Variants in ELFN2 observed in about 807,000 individuals in gnomAD.
ELFN2 encodes extracellular leucine rich repeat and fibronectin type III domain containing 2, also known as protein phosphatase 1 regulatory subunit 29.
ELFN2 carries 17 observed loss-of-function variants against 45.5 expected under a neutral mutation model. The ratio of observed to expected loss-of-function variants is 0.37; its 90% CI spans 0.26 to 0.56. The LOEUF is 0.56. Among genes scored for constraint, ELFN2 ranks in the 20% least tolerant of loss-of-function variants. The pLI, the probability that ELFN2 is intolerant of heterozygous loss-of-function variation, is 0.77. For missense variants in ELFN2, 922 were observed against 1,183.2 expected (o/e 0.78, Z 3.24); for synonymous variants, 550 against 551.5 (o/e 1.00, Z 0.04).
chr22:37,343,283 G>A (rs9610719), intron 1 of ELFN2, among the ~76,000 whole-genome samples: 59,199 of 151,902 alleles, frequency 0.39, 12,122 homozygotes, highest in African/African-American at 0.49. Flanking sequence ...TCCCAGGTCC[G>A]CTCCTCCCTG....
In ELFN2 at chr22:37,370,808, G is replaced by C. The variant is rs1455133270; in HGVS notation, c.*2264C>G. On this transcript the variant is annotated 3_prime_UTR_variant, in exon 3 of 3. Transcript: ENST00000402918. ...TGTGGGAAAGCAGGGCATCAGAGAG[G>C]GGGCGGGGGAGTCTGGACAAACTGG... 1.3e-5 allele frequency: 2 copies of C among 152,612 alleles called. No individual in the cohort carries two copies. The highest frequency in any genetic ancestry group is 1.3e-4 in the Admixed American group (2 of 15,288). 9.5% of individuals were successfully genotyped at this position (152,612 alleles called of 1,614,324 possible).
chr22:37,409,046 T>C (rs1932580439), intron 2 of ELFN2, among the ~76,000 whole-genome samples: 1 of 152,158 alleles, frequency 6.6e-6, no homozygotes, highest in South Asian at 2.1e-4. Flanking sequence ...TCAAGGAATC[T>C]CCAGCTTGGC....
intron 1 of ELFN2, among the ~76,000 whole-genome samples, chr22:37,362,898 T>G (rs987133974): frequency 1.3e-5 from 2 of 152,102 alleles, no homozygotes; most frequent in Non-Finnish European, 2.9e-5. Flanking sequence ...AAGGAAGCAG[T>G]GAGGCAGAGA....
chr22:37,410,585 C>T (rs1932622824), intron 2 of ELFN2, among the ~76,000 whole-genome samples: 1 of 152,202 alleles, frequency 6.6e-6, no homozygotes, highest in African/African-American at 2.4e-5. Flanking sequence ...CCCAAAGCCC[C>T]TCCCTCCCCT....
intron 2 of ELFN2, among the ~76,000 whole-genome samples, chr22:37,386,472 G>A (rs932462095): frequency 8.5e-5 from 13 of 152,188 alleles, no homozygotes; most frequent in African/African-American, 3.1e-4. Context: ...AGCTTCTGTC[G>A]CTTCAGAACC....
intron 1 of ELFN2, among the ~76,000 whole-genome samples, chr22:37,360,455 G>A (rs1931057320): frequency 6.6e-6 from 1 of 152,218 alleles, no homozygotes; most frequent in African/African-American, 2.4e-5. Flanking sequence ...AGGTGGCACT[G>A]GAAGCTCTGT....
At chr22:37,410,245 C>T (rs61124896) in intron 2 of ELFN2, among the ~76,000 whole-genome samples, 2,082 of 152,236 alleles carry the variant, frequency 0.014, 48 homozygotes, top group African/African-American at 0.046. Flanking sequence ...AACGAATGAG[C>T]TCAGCTCAGG....
intron 2 of ELFN2, among the ~76,000 whole-genome samples, chr22:37,394,433 G>T (rs187228925): frequency 1.3e-5 from 2 of 152,266 alleles, no homozygotes; most frequent in Admixed American, 1.3e-4. Flanking sequence ...CCTCCTGAAG[G>T]TCAAGGCCCC....
rs1932862371 is a variant in ELFN2, at chr22:37,427,427, G to GT, written c.-744dup. 6.5e-6 allele frequency: 1 copy of GT among 152,912 alleles called. No individual in the cohort carries two copies. The highest frequency in any genetic ancestry group is 6.5e-5 in the Admixed American group (1 of 15,292). The allele number at this position is 152,912 out of a possible 1,614,324, so 9.5% of individuals were successfully genotyped here. A position where few individuals can be genotyped will look rare whatever the true frequency, so the allele number is the denominator to read the frequency against. On this transcript the variant is annotated 5_prime_UTR_variant, in exon 1 of 3. Coordinates refer to ENST00000402918, the MANE Select transcript of ELFN2 (RefSeq NM_052906.5). ...TGGGTGCGGGGTGCGTGGCCGTGGGGTGGCCCGCGTGTGTCTGTGTGTGTG... is the reference window on the plus strand; with the variant it reads ...TGGGTGCGGGGTGCGTGGCCGTGGGGTTGGCCCGCGTGTGTCTGTGTGTGTG...
chr22:37,378,005 G>A (rs1303869876), intron 2 of ELFN2, among the ~76,000 whole-genome samples: 2 of 152,218 alleles, frequency 1.3e-5, no homozygotes, highest in Non-Finnish European at 2.9e-5. Flanking sequence ...CCACGAGCCG[G>A]CCTGTCAGAG....
intron 1 of ELFN2, among the ~76,000 whole-genome samples, chr22:37,348,314 A>AG (rs1403854783): frequency 6.6e-6 from 1 of 152,236 alleles, no homozygotes; most frequent in Non-Finnish European, 1.5e-5. Flanking sequence ...GAGCAAGAAC[A>AG]GGGCCTCCTT....
rs748290474 is a variant in ELFN2, at chr22:37,373,611, C to T, written c.1924G>A (p.Val642Ile). ...TGGTCGGGCACGTCCAGGCTAAAGACCTTGGCGCTCTTGATGGAACCACTG... is the reference window on the plus strand; with the variant it reads ...TGGTCGGGCACGTCCAGGCTAAAGATCTTGGCGCTCTTGATGGAACCACTG... ...SSSGSIKSAK[V>I]FSLDVPDHPA... is the part of the protein sequence containing the mutation. The change falls in exon 3 of 3, where the codon GTC becomes ATC. Residue 642 changes from valine (V) to isoleucine (I), a missense_variant. Transcript: ENST00000402918. 3 of 1,604,990 alleles carry T rather than the reference C, an allele frequency of 1.9e-6. No homozygotes were observed. The highest frequency in any genetic ancestry group is 1.1e-5 in the South Asian group (1 of 89,966).
At chr22:37,361,682 C>T (rs1006733527) in intron 1 of ELFN2, among the ~76,000 whole-genome samples, 5 of 152,164 alleles carry the variant, frequency 3.3e-5, no homozygotes, top group African/African-American at 1.2e-4. Context: ...TAGGCCTGGG[C>T]GTGAGTACAA....
At chr22:37,391,066 C>A (rs1478364666) in intron 2 of ELFN2, among the ~76,000 whole-genome samples, 1 of 152,250 alleles carries the variant, frequency 6.6e-6, no homozygotes, top group Non-Finnish European at 1.5e-5. Context: ...ATTCAAACAG[C>A]CATGCTGTGA....
chr22:37,389,457 C>T (rs1292942096), intron 2 of ELFN2, among the ~76,000 whole-genome samples: 1 of 152,168 alleles, frequency 6.6e-6, no homozygotes, highest in Non-Finnish European at 1.5e-5. Context: ...CCACCTGTCC[C>T]CATCCCCTGG....
chr22:37,374,929 G>A lies in ELFN2; in HGVS notation c.606C>T (p.Val202=). Residue 202 remains valine, a synonymous_variant, in exon 3 of 3, where the codon GTC becomes GTT. Coordinates refer to ENST00000402918, the MANE Select transcript of ELFN2 (RefSeq NM_052906.5). ...DLFGFLAWLV[V]FNNVTKNYDR... ...CGTAGTTCTTGGTGACGTTGTTGAAGACCACCAGCCAGGCCAGGAAGCCGA... is the reference window on the plus strand; with the variant it reads ...CGTAGTTCTTGGTGACGTTGTTGAAAACCACCAGCCAGGCCAGGAAGCCGA... The A allele has an allele frequency of 6.2e-7, 1 of 1,612,878 alleles. No individual in the cohort carries two copies. The highest frequency in any genetic ancestry group is 8.5e-7 in the Non-Finnish European group (1 of 1,179,984).
At chr22:37,354,053 A>G (rs1286494354) in intron 1 of ELFN2, 2 of 152,240 alleles carry the variant, frequency 1.3e-5, no homozygotes, top group East Asian at 1.9e-4. Context: ...ATTGTGGTGT[A>G]TTTCACAGCA....
In ELFN2 at chr22:37,373,482, C is replaced by T. The variant is rs763031057; in HGVS notation, c.2053G>A (p.Gly685Ser). The T allele has an allele frequency of 9.1e-5, 141 of 1,542,856 alleles. No homozygotes were observed. The highest frequency in any genetic ancestry group is 1.2e-4 in the Non-Finnish European group (135 of 1,146,140). Residue 685 changes from glycine (G) to serine (S), a missense_variant, in exon 3 of 3, where the codon GGC (glycine) becomes AGC (serine). By Grantham distance (56) the Gly-to-Ser change is moderately conservative. This residue lies in a region of ELFN2 where 564 missense variants were observed against 642.8 expected (regional missense o/e 0.88). Transcript: ENST00000402918. ...CCCCCGCCCCCGCCGCTGCCCCCGCCGCTGCCCGCCGGCACCAGCGGGAGC... is the reference window on the plus strand; with the variant it reads ...CCCCCGCCCCCGCCGCTGCCCCCGCTGCTGCCCGCCGGCACCAGCGGGAGC... ...DRLPLVPAGS[G>S]GGSGGGGGIH...
chr22:37,385,687 T>G (rs1931929011), intron 2 of ELFN2, among the ~76,000 whole-genome samples: 1 of 152,126 alleles, frequency 6.6e-6, no homozygotes. Flanking sequence ...GTCAGGGGTA[T>G]TCCTATGAGC....
Sources: allele counts gnomAD v4.1 joint callset (sites outside exome capture counted in the v4.1 genomes callset), GRCh38; gene constraint gnomAD v4.1.1; regional missense constraint gnomAD v4.1.1; transcripts MANE v1.5; gene names NCBI Gene and HGNC (gene_info 2026-07-23, HGNC 2026-07-21).